KIAA1217: variants seen among roughly 807,000 people sequenced by gnomAD.
KIAA1217 encodes the protein sickle tail protein homolog.
In KIAA1217, 88 loss-of-function variants were observed where a neutral mutation model predicts 163.9. The observed-to-expected ratio is 0.54, with a 90% CI of 0.45 to 0.64. KIAA1217 has a LOEUF of 0.64. Among genes scored for constraint, KIAA1217 ranks in the 30% least tolerant of loss-of-function variants. The probability of loss-of-function intolerance (pLI) is 0.00; values close to 1 mark genes in which losing one functional copy is unlikely to be tolerated. For missense variants in KIAA1217, 2,372 were observed against 2,475.0 expected, an observed-to-expected ratio of 0.96 and a Z score of 0.88; for synonymous variants, 903 against 923.1, an observed-to-expected ratio of 0.98 and a Z score of 0.39.
intron 1 of KIAA1217, among the ~76,000 whole-genome samples, chr10:23,703,071 G>A (rs1214104594): frequency 6.6e-6 from 1 of 151,984 alleles, no homozygotes; most frequent in African/African-American, 2.4e-5. Flanking sequence ...CCTCCCCCTA[G>A]TGGCGATTAG....
chr10:24,471,545 TG>T (rs902335362), intron 5 of KIAA1217, among the ~76,000 whole-genome samples: 3 of 151,264 alleles, frequency 2.0e-5, no homozygotes, highest in African/African-American at 7.3e-5. Context: ...TTGAACAAGG[TG>T]GGAGTTAGGG....
intron 8 of KIAA1217, among the ~76,000 whole-genome samples, chr10:24,500,395 TGC>T (rs1196165662): frequency 7.2e-6 from 1 of 138,524 alleles, no homozygotes; most frequent in African/African-American, 2.8e-5. Flanking sequence ...GAAGAGTGTG[TGC>T]GTGTGTGTGT....
intron 2 of KIAA1217, among the ~76,000 whole-genome samples, chr10:24,271,930 A>G (rs1407212376): frequency 6.6e-6 from 1 of 152,108 alleles, no homozygotes; most frequent in Non-Finnish European, 1.5e-5. Flanking sequence ...AGCCCACTTA[A>G]AAGTGGCATA....
intron 3 of KIAA1217, among the ~76,000 whole-genome samples, chr10:24,426,997 T>A (rs2059225400): frequency 1.3e-5 from 2 of 152,290 alleles, no homozygotes; most frequent in Non-Finnish European, 2.9e-5. Context: ...ATAATGAAGA[T>A]GTGTGGGCAC....
chr10:24,219,583 G>C (rs1399063077), intron 1 of KIAA1217, 43 bp from the exon 2 acceptor site: 1 of 1,508,404 alleles, frequency 6.6e-7, no homozygotes, highest in East Asian at 2.3e-5. Flanking sequence ...GAGACTTCTA[G>C]TGTGAAATCA....
intron 1 of KIAA1217, among the ~76,000 whole-genome samples, chr10:24,001,740 G>A (rs577647579): frequency 2.6e-5 from 4 of 152,192 alleles, no homozygotes; most frequent in African/African-American, 9.6e-5. Context: ...AGAAACAGAA[G>A]TTTGCCTGAG....
At chr10:23,816,863 A>G (rs1443556716) in intron 1 of KIAA1217, among the ~76,000 whole-genome samples, 3 of 152,198 alleles carry the variant, frequency 2.0e-5, no homozygotes, top group Non-Finnish European at 4.4e-5. Flanking sequence ...TCTTTGTGCA[A>G]CAGAGCAGGG....
In KIAA1217 at chr10:24,544,134, C is replaced by T. The variant is rs956146025; in HGVS notation, c.4864C>T (p.Arg1622Cys). ...GTLKQHKEAK[R>C]FEIARSQPED... ...CCTGAAACAGCACAAAGAAGCCAAG[C>T]GCTTCGAAATCGCTAGGTCTCAACC... is the stretch of plus-strand genomic sequence containing the variant. The change falls in exon 19 of 21, where the codon CGC (arginine) becomes TGC (cysteine). Residue 1622 changes from arginine to cysteine, a missense_variant. Arg to Cys is a radical substitution (Grantham distance 180, BLOSUM62 -3). This residue lies in a region of KIAA1217 where 690 missense variants were observed against 677.5 expected (regional missense o/e 1.02). Coordinates refer to ENST00000376454, the MANE Select transcript of KIAA1217 (RefSeq NM_019590.5). The T allele has an allele frequency of 2.3e-5, 37 of 1,613,906 alleles. No homozygotes were observed. The highest frequency in any genetic ancestry group is 4.0e-5 in the African/African-American group (3 of 74,896).
chr10:23,963,101 G>A (rs940383976), intron 1 of KIAA1217, among the ~76,000 whole-genome samples: 1 of 152,092 alleles, frequency 6.6e-6, no homozygotes, highest in Non-Finnish European at 1.5e-5. Flanking sequence ...GTTTCATATG[G>A]TTCAGCTTAA....
At chr10:23,779,650 A>G (rs1194871920) in intron 1 of KIAA1217, among the ~76,000 whole-genome samples, 1 of 152,206 alleles carries the variant, frequency 6.6e-6, no homozygotes, top group Admixed American at 6.5e-5. Flanking sequence ...ATATTGTAAT[A>G]CATCCTTTTA....
intron 5 of KIAA1217, among the ~76,000 whole-genome samples, chr10:24,469,281 G>C (rs1172495339): frequency 6.6e-6 from 1 of 150,762 alleles, no homozygotes; most frequent in Non-Finnish European, 1.5e-5. Flanking sequence ...CATGCACTGC[G>C]CCTGGCTAAT....
At chr10:24,303,880 A>G (rs771328139) in intron 2 of KIAA1217, among the ~76,000 whole-genome samples, 29 of 152,198 alleles carry the variant, frequency 1.9e-4, no homozygotes, top group South Asian at 4.1e-4. Flanking sequence ...TTGGATCTTC[A>G]TATTCTTTTT....
chr10:23,893,638 A>C (rs1448032903), intron 1 of KIAA1217, among the ~76,000 whole-genome samples: 1 of 151,956 alleles, frequency 6.6e-6, no homozygotes, highest in Non-Finnish European at 1.5e-5. Context: ...GAGTGCTATA[A>C]ATTTCCCTCT....
At chr10:23,988,977 A>G (rs1846098967) in intron 1 of KIAA1217, among the ~76,000 whole-genome samples, 1 of 152,222 alleles carries the variant, frequency 6.6e-6, no homozygotes, top group Non-Finnish European at 1.5e-5. Flanking sequence ...ATACCTTGAT[A>G]TAAAACACCG....
At chr10:23,750,412 GTGTC>G (rs1475061198) in intron 1 of KIAA1217, among the ~76,000 whole-genome samples, 1 of 151,984 alleles carries the variant, frequency 6.6e-6, no homozygotes, top group Admixed American at 6.6e-5. Context: ...TCTTTCTAAT[GTGTC>G]TGTTTCAACT....
At chr10:24,027,783 A>G (rs935951127) in intron 2 of KIAA1217, among the ~76,000 whole-genome samples, 1 of 152,170 alleles carries the variant, frequency 6.6e-6, no homozygotes, top group Non-Finnish European at 1.5e-5. Context: ...GTGTATAAGA[A>G]CAAAGGACTA....
chr10:23,971,024 G>A (rs139897754), intron 1 of KIAA1217, among the ~76,000 whole-genome samples: 2 of 152,328 alleles, frequency 1.3e-5, no homozygotes, highest in South Asian at 4.1e-4. Flanking sequence ...CCAAGCGGGC[G>A]CTTGAGAGAT....
At chr10:24,483,820 G>C (rs186631217) in intron 6 of KIAA1217, among the ~76,000 whole-genome samples, 258 of 152,280 alleles carry the variant, frequency 1.7e-3, no homozygotes, top group Non-Finnish European at 3.3e-3. Context: ...ATTAGCCTCA[G>C]GGAAGAGAAA....
intron 3 of KIAA1217, among the ~76,000 whole-genome samples, chr10:24,415,524 C>A (rs1236744382): frequency 6.6e-6 from 1 of 152,134 alleles, no homozygotes; most frequent in African/African-American, 2.4e-5. Context: ...ACTTTACAGA[C>A]TTTACAAACA....
Sources: allele counts gnomAD v4.1 joint callset (sites outside exome capture counted in the v4.1 genomes callset), GRCh38; gene constraint gnomAD v4.1.1; regional missense constraint gnomAD v4.1.1; transcripts MANE v1.5; gene names NCBI Gene and HGNC (gene_info 2026-07-23, HGNC 2026-07-21).